IL1RAPL2: variants seen among roughly 807,000 people sequenced by gnomAD.
IL1RAPL2 encodes the protein interleukin 1 receptor accessory protein like 2.
IL1RAPL2 carries 3 observed loss-of-function variants against 44.1 expected under a neutral mutation model. The ratio of observed to expected loss-of-function variants is 0.07; its 90% CI spans 0.03 to 0.18. The LOEUF (loss-of-function observed/expected upper bound fraction) is 0.18. Among genes scored for constraint, IL1RAPL2 ranks in the 10% least tolerant of loss-of-function variants. The pLI is 1.00. For synonymous variants in IL1RAPL2, 181 were observed against 178.8 expected, an observed-to-expected ratio of 1.01 and a Z score of -0.10; for missense variants, 391 against 496.4, an observed-to-expected ratio of 0.79 and a Z score of 2.02.
At chrX:105,213,788 C>G (rs782612910) in intron 3 of IL1RAPL2, among the ~76,000 whole-genome samples, 1 of 111,104 alleles carries the variant, frequency 9.0e-6, no homozygotes, top group Non-Finnish European at 1.9e-5. Context: ...CTGCAGAAAC[C>G]CTACAAGCCA....
chrX:105,639,536 C>T (rs778051016), intron 6 of IL1RAPL2, among the ~76,000 whole-genome samples: 1 of 110,746 alleles, frequency 9.0e-6, no homozygotes, highest in African/African-American at 3.3e-5. Context: ...CTCTGTGCTT[C>T]GAATTAAATA....
chrX:105,109,347 G>C (rs1482911741), intron 2 of IL1RAPL2, among the ~76,000 whole-genome samples: 1 of 112,092 alleles, frequency 8.9e-6, no homozygotes, highest in Non-Finnish European at 1.9e-5. Flanking sequence ...CCAAAACGTA[G>C]ACACTGCCCA....
At chrX:105,249,230 T>C (rs1255289294) in intron 4 of IL1RAPL2, among the ~76,000 whole-genome samples, 3 of 110,793 alleles carry the variant, frequency 2.7e-5, no homozygotes, top group African/African-American at 9.8e-5. Context: ...TTAAATGAAA[T>C]AGGCCAGGTA....
chrX:104,985,086 TTTTC>T (rs2030534885), intron 2 of IL1RAPL2, among the ~76,000 whole-genome samples: 1 of 85,185 alleles, frequency 1.2e-5, no homozygotes, highest in Non-Finnish European at 2.4e-5. Flanking sequence ...TTTGTTTTAT[TTTTC>T]TTTATTTTTT....
rs182680116 is a variant in IL1RAPL2, at chrX:105,449,134, A to C, written c.698-35179A>C. On this transcript the variant is annotated intron_variant, in intron 5 of 10. Coordinates refer to ENST00000372582, the MANE Select transcript of IL1RAPL2 (RefSeq NM_017416.2). The stretch of plus-strand genomic sequence containing the variant: ...AATGTTTGTAAGTGTCTGGGCAATG[A>C]AGATTAAGTATTTATTGTAATCTTC... 3.6e-3 allele frequency among the ~76,000 whole-genome samples: 400 copies of C among 111,288 alleles called. 1 individual carries two copies. The highest frequency in any genetic ancestry group is 3.7e-3 in the Non-Finnish European group (198 of 53,114).
rs183964929 is a variant in IL1RAPL2, at chrX:104,673,374, T to A, written c.82+14379T>A. Among the ~76,000 whole-genome samples the A allele has an allele frequency of 7.8e-3, 873 of 111,296 alleles. 31 individuals are homozygous for A. The highest frequency in any genetic ancestry group is 0.076 in the Admixed American group (793 of 10,468). ...TAGGGAATCCTTTCCCCATTGCTTG[T>A]TTTTCTCAGTTTTGTCAAAGATCAG... On this transcript the variant is annotated intron_variant, in intron 2 of 10. Transcript: ENST00000372582.
chrX:104,912,460 T>G lies in IL1RAPL2; in HGVS notation c.82+253465T>G, dbSNP rs534819126. Among the ~76,000 whole-genome samples, 155 of 111,240 alleles carry G rather than the reference T, an allele frequency of 1.4e-3. 1 individual carries two copies. Among genetic ancestry groups the G allele is most frequent in the African/African-American group, 4.7e-3 (143 of 30,611 alleles). On this transcript the variant is annotated intron_variant, in intron 2 of 10. Coordinates refer to ENST00000372582, the MANE Select transcript of IL1RAPL2 (RefSeq NM_017416.2). ...CAATCCCATCCTCTCCCTGGTGGAC[T>G]AGTATAAGTATTAATTTATAGAGAT... is the stretch of plus-strand genomic sequence containing the variant.
rs1319599837 is a variant in IL1RAPL2, at chrX:104,797,922, G to C, written c.82+138927G>C. Among the ~76,000 whole-genome samples the C allele has an allele frequency of 2.7e-5, 3 of 112,040 alleles. No homozygotes were observed. In the Admixed American group the frequency reaches 2.8e-4, roughly 11 times the overall value. ...GCACGCTCAGTATGGGCCAGCCACT[G>C]TGCTAAGCGCTTTCTCTTGTTACTT... On this transcript the variant is annotated intron_variant, in intron 2 of 10. Coordinates refer to ENST00000372582, the MANE Select transcript of IL1RAPL2 (RefSeq NM_017416.2).
intron 6 of IL1RAPL2, among the ~76,000 whole-genome samples, chrX:105,533,278 A>C (rs1248568780): frequency 8.9e-6 from 1 of 112,479 alleles, no homozygotes; most frequent in Non-Finnish European, 1.9e-5. Context: ...TAATTGTTTA[A>C]ATTTTTATTT....
intron 6 of IL1RAPL2, among the ~76,000 whole-genome samples, chrX:105,494,981 G>A (rs1270213035): frequency 2.7e-5 from 3 of 111,939 alleles, no homozygotes; most frequent in Non-Finnish European, 3.8e-5. Flanking sequence ...CAGAAGCCCC[G>A]GCAAGGTGGT....
chrX:105,685,628 T>G (rs1056857237), intron 6 of IL1RAPL2, among the ~76,000 whole-genome samples: 12 of 111,659 alleles, frequency 1.1e-4, no homozygotes, highest in Non-Finnish European at 1.7e-4. Flanking sequence ...AAAACACTCT[T>G]CAGGATATTA....
intron 1 of IL1RAPL2, among the ~76,000 whole-genome samples, chrX:104,605,214 G>A (rs1311768964): frequency 9.0e-6 from 1 of 111,657 alleles, no homozygotes; most frequent in Non-Finnish European, 1.9e-5. Context: ...GCTCCTGAAT[G>A]ACTACTGGGT....
chrX:105,665,730 T>A (rs1353338104), intron 6 of IL1RAPL2, among the ~76,000 whole-genome samples: 17 of 72,855 alleles, frequency 2.3e-4, no homozygotes, highest in African/African-American at 1.3e-3. Flanking sequence ...ATTTTTGTTT[T>A]TTTGTTTTTT....
At chrX:104,892,712 T>A (rs924568286) in intron 2 of IL1RAPL2, among the ~76,000 whole-genome samples, 3 of 111,743 alleles carry the variant, frequency 2.7e-5, no homozygotes, top group African/African-American at 9.8e-5. Flanking sequence ...GCTAGCGGTC[T>A]ATCAGTTTTG....
At chrX:104,727,434 C>T (rs191195382) in intron 2 of IL1RAPL2, among the ~76,000 whole-genome samples, 1 of 111,075 alleles carries the variant, frequency 9.0e-6, no homozygotes, top group African/African-American at 3.3e-5. Context: ...TAAAAAATAA[C>T]GGATCCTGGA....
rs141283611 is a variant in IL1RAPL2, at chrX:105,438,549, G to A, written c.698-45764G>A. 5.4e-3 allele frequency among the ~76,000 whole-genome samples: 599 copies of A among 110,678 alleles called. 5 individuals are homozygous for A. Among genetic ancestry groups the A allele is most frequent in the African/African-American group, 0.018 (556 of 30,470 alleles). Reference sequence around the variant, plus strand: ...TGGCGTGTTGGACAAAAAGAACCACGGAAATATAGAATCTCTTTTTGTGCC... The same window carrying A: ...TGGCGTGTTGGACAAAAAGAACCACAGAAATATAGAATCTCTTTTTGTGCC... On this transcript the variant is annotated intron_variant, in intron 5 of 10. Transcript: ENST00000372582.
At chrX:105,295,220 T>G (rs1443388547) in intron 5 of IL1RAPL2, among the ~76,000 whole-genome samples, 1 of 111,475 alleles carries the variant, frequency 9.0e-6, no homozygotes, top group African/African-American at 3.3e-5. Flanking sequence ...ATGAAAGGTT[T>G]CTGAGCAGAA....
chrX:104,883,916 T>A (rs751053580), intron 2 of IL1RAPL2, among the ~76,000 whole-genome samples: 5 of 111,909 alleles, frequency 4.5e-5, no homozygotes, highest in African/African-American at 1.6e-4. Context: ...CTCTTCCAAC[T>A]CTGGAGATCC....
intron 2 of IL1RAPL2, among the ~76,000 whole-genome samples, chrX:104,972,666 G>A (rs2030259152): frequency 8.9e-6 from 1 of 111,872 alleles, no homozygotes; most frequent in African/African-American, 3.3e-5. Flanking sequence ...GAGTAATTGG[G>A]AGATCAAACA....
Sources: gnomAD v4.1 joint callset for allele counts (sites outside exome capture counted in the v4.1 genomes callset) on GRCh38, gnomAD v4.1.1 for gene constraint, MANE v1.5 for transcripts, NCBI Gene and HGNC (gene_info 2026-07-23, HGNC 2026-07-21) for gene names.